Variants in RNF38 observed in about 807,000 individuals in gnomAD.
RNF38 encodes ring finger protein 38, also known as E3 ubiquitin-protein ligase RNF38.
A neutral mutation model predicts 67.2 loss-of-function variants in RNF38; 15 were observed. The ratio of observed to expected loss-of-function variants is 0.22; its 90% CI spans 0.15 to 0.34. The LOEUF (loss-of-function observed/expected upper bound fraction) is 0.34, where lower values mean the gene tolerates loss of function less well. Among genes scored for constraint, RNF38 ranks in the 10% least tolerant of loss-of-function variants. The probability of loss-of-function intolerance (pLI) is 1.00; values close to 1 mark genes in which losing one functional copy is unlikely to be tolerated. For missense variants in RNF38, 524 were observed against 639.9 expected (o/e 0.82, Z 1.95); for synonymous variants, 220 against 218.8 (o/e 1.01, Z -0.05).
intron 2 of RNF38, among the ~76,000 whole-genome samples, chr9:36,380,630 C>G (rs1480776909): frequency 6.6e-6 from 1 of 152,116 alleles, no homozygotes; most frequent in Non-Finnish European, 1.5e-5. Flanking sequence ...GTAGCTGGGA[C>G]TACAGGTGCA....
At chr9:36,427,182 G>A (rs1053489220) in intron 1 of RNF38, among the ~76,000 whole-genome samples, 7 of 152,140 alleles carry the variant, frequency 4.6e-5, no homozygotes, top group Non-Finnish European at 8.8e-5. Context: ...CACATTTCCT[G>A]ACTCATGGCA....
intron 1 of RNF38, among the ~76,000 whole-genome samples, chr9:36,393,477 TTGTGTGTGTGTGTGTG>T (rs58913703): frequency 4.9e-4 from 43 of 87,800 alleles, no homozygotes; most frequent in African/African-American, 6.2e-4. Flanking sequence ...CACACACACA[TTGTGTGTGTGTGTGTG>T]TGTGTGTGTG....
At chr9:36,383,004 A>G (rs967846451) in intron 2 of RNF38, among the ~76,000 whole-genome samples, 3 of 152,192 alleles carry the variant, frequency 2.0e-5, no homozygotes, top group Non-Finnish European at 4.4e-5. Context: ...CACTCTATAT[A>G]AGCAACTTGT....
chr9:36,339,358 TCA>T lies in RNF38; in HGVS notation c.*392_*393del, dbSNP rs773212197. 7.1e-5 allele frequency: 13 copies of T among 183,278 alleles called. No individual in the cohort carries two copies. The highest frequency in any genetic ancestry group is 7.0e-4 in the South Asian group (5 of 7,116). The allele number at this position is 183,278 out of a possible 1,614,324, so 11.4% of individuals were successfully genotyped here. A position where few individuals can be genotyped will look rare whatever the true frequency, so the allele number is the denominator to read the frequency against. On this transcript the variant is annotated 3_prime_UTR_variant, in exon 12 of 12. Transcript: ENST00000259605. ...TCATACGCTGCGCATTCATTTCCAC[TCA>T]CAGTTTCTGAAGGCTCTATATAAGG...
Position 36,337,425 on chromosome 9 carries a change from CATT to C in RNF38, c.*2324_*2326del, listed in dbSNP as rs1428119788. 6.5e-6 allele frequency: 1 copy of C among 152,742 alleles called. No homozygotes were observed. The highest frequency in any genetic ancestry group is 2.4e-5 in the African/African-American group (1 of 41,422). The allele number at this position is 152,742 out of a possible 1,614,324, so 9.5% of individuals were successfully genotyped here. A position where few individuals can be genotyped will look rare whatever the true frequency, so the allele number is the denominator to read the frequency against. On this transcript the variant is annotated 3_prime_UTR_variant, in exon 12 of 12. Transcript: ENST00000259605. Reference sequence around the variant, plus strand: ...TCTCAAAAACTTACAGAAAAAGGGACATTATAAGAATTCATAGAGGGAGAGAAG... The same window carrying C: ...TCTCAAAAACTTACAGAAAAAGGGACATAAGAATTCATAGAGGGAGAGAAG...
intron 2 of RNF38, among the ~76,000 whole-genome samples, chr9:36,377,779 A>C (rs1024965522): frequency 2.0e-5 from 3 of 152,176 alleles, no homozygotes; most frequent in African/African-American, 7.2e-5. Flanking sequence ...ATTACTTAAT[A>C]ATATCAACAC....
At chr9:36,383,234 G>A (rs1021028010) in intron 2 of RNF38, among the ~76,000 whole-genome samples, 4 of 152,012 alleles carry the variant, frequency 2.6e-5, no homozygotes, top group African/African-American at 7.3e-5. Flanking sequence ...ACAGAGTCTC[G>A]CTCTGCTGCC....
At chr9:36,401,029 A>G, upstream of RNF38, 1 of 983,572 alleles carries the variant, frequency 1.0e-6, no homozygotes, top group South Asian at 4.7e-5. Context: ...CTAGGCCGCG[A>G]CACGCGCGGT....
intron 1 of RNF38, among the ~76,000 whole-genome samples, chr9:36,457,144 T>C (rs927367538): frequency 6.6e-6 from 1 of 150,688 alleles, no homozygotes; most frequent in African/African-American, 2.4e-5. Context: ...AACCTTAAAA[T>C]CTGATTTCTG....
At chr9:36,360,112 A>G (rs1834415549) in intron 4 of RNF38, among the ~76,000 whole-genome samples, 1 of 152,092 alleles carries the variant, frequency 6.6e-6, no homozygotes, top group Non-Finnish European at 1.5e-5. Context: ...CTGTCTTTCA[A>G]GAAGAAATTA....
chr9:36,448,880 G>C (rs935544322), intron 1 of RNF38, among the ~76,000 whole-genome samples: 1 of 152,028 alleles, frequency 6.6e-6, no homozygotes, highest in African/African-American at 2.4e-5. Flanking sequence ...TGCAATCCCA[G>C]CTACTCGGGA....
At chr9:36,429,953 G>T (rs941562551) in intron 1 of RNF38, among the ~76,000 whole-genome samples, 1 of 152,020 alleles carries the variant, frequency 6.6e-6, no homozygotes, top group Admixed American at 6.6e-5. Flanking sequence ...GATATAGAGG[G>T]CCAACTATAA....
chr9:36,452,037 T>C (rs1296518357), intron 1 of RNF38, among the ~76,000 whole-genome samples: 3 of 152,002 alleles, frequency 2.0e-5, no homozygotes, highest in Admixed American at 6.6e-5. Flanking sequence ...GGCCACATAG[T>C]GAGATCCCAT....
chr9:36,482,048 C>CTTTTTTTTTTTTTTTTTTTTT (rs767211095), intron 1 of RNF38, among the ~76,000 whole-genome samples: 1 of 119,310 alleles, frequency 8.4e-6, no homozygotes, highest in Non-Finnish European at 1.7e-5. Context: ...ATACTTTTGT[C>CTTTTTTTTTTTTTTTTTTTTT]TTTTTTTTTT....
At chr9:36,354,254 G>A (rs371545249) in intron 6 of RNF38, among the ~76,000 whole-genome samples, 4 of 152,048 alleles carry the variant, frequency 2.6e-5, no homozygotes, top group Admixed American at 6.6e-5. Context: ...GTGCAGTGGC[G>A]CCATCTTGGC....
chr9:36,376,776 A>C (rs1306367546), intron 2 of RNF38, among the ~76,000 whole-genome samples: 1 of 152,002 alleles, frequency 6.6e-6, no homozygotes, highest in African/African-American at 2.4e-5. Flanking sequence ...AAACACAAAA[A>C]TTAGCTGGGC....
At chr9:36,395,609 C>G (rs1266966155) in intron 1 of RNF38, among the ~76,000 whole-genome samples, 2 of 152,182 alleles carry the variant, frequency 1.3e-5, no homozygotes, top group African/African-American at 4.8e-5. Flanking sequence ...ATTCTCACCA[C>G]TTCCATGATA....
chr9:36,452,095 T>C (rs917485782), intron 1 of RNF38, among the ~76,000 whole-genome samples: 4 of 151,982 alleles, frequency 2.6e-5, no homozygotes, highest in African/African-American at 7.3e-5. Flanking sequence ...CGATGCCGTG[T>C]GCCTACAGTT....
At chr9:36,391,780 A>AT (rs1199560181) in intron 1 of RNF38, among the ~76,000 whole-genome samples, 1 of 151,838 alleles carries the variant, frequency 6.6e-6, no homozygotes, top group Non-Finnish European at 1.5e-5. Flanking sequence ...CGCCTGGCTA[A>AT]TTTTTTGTAT....
Sources: allele counts gnomAD v4.1 joint callset (sites outside exome capture counted in the v4.1 genomes callset), GRCh38; gene constraint gnomAD v4.1.1; transcripts MANE v1.5; gene names NCBI Gene and HGNC (gene_info 2026-07-23, HGNC 2026-07-21).